PTGFRN: variants seen among roughly 807,000 people sequenced by gnomAD.
PTGFRN encodes the protein prostaglandin F2 receptor inhibitor.
PTGFRN carries 35 observed loss-of-function variants against 83.2 expected under a neutral mutation model. That is an observed-to-expected ratio of 0.42 (90% CI 0.32 to 0.56). The LOEUF (loss-of-function observed/expected upper bound fraction) is 0.56, where lower values mean the gene tolerates loss of function less well. PTGFRN is among the 20% of genes least tolerant of loss of function. The probability of loss-of-function intolerance (pLI) is 0.11; values close to 1 mark genes in which losing one functional copy is unlikely to be tolerated. For synonymous variants in PTGFRN, 519 were observed against 498.6 expected (o/e 1.04, Z -0.55); for missense variants, 1,051 against 1,179.5 (o/e 0.89, Z 1.60).
At chr1:116,978,801 G>A (rs993899934) in intron 7 of PTGFRN, among the ~76,000 whole-genome samples, 23 of 152,122 alleles carry the variant, frequency 1.5e-4, no homozygotes, top group Non-Finnish European at 2.8e-4. Flanking sequence ...CATTCCCTTT[G>A]AAAACTGGCA....
chr1:116,979,197 A>G (rs1651240758), intron 7 of PTGFRN, among the ~76,000 whole-genome samples: 3 of 152,204 alleles, frequency 2.0e-5, no homozygotes, highest in Admixed American at 2.0e-4. Flanking sequence ...AGAACTGCAA[A>G]CCACTGCTCA....
chr1:116,987,264 T>G lies in PTGFRN; in HGVS notation c.*297T>G. The G allele has an allele frequency of 3.2e-6, 1 of 316,338 alleles. No homozygotes were observed. The highest frequency in any genetic ancestry group is 6.0e-6 in the Non-Finnish European group (1 of 166,590). 19.6% of individuals were successfully genotyped at this position (316,338 alleles called of 1,614,324 possible). ...TTTTTTTCTCCCACTGGTTTATAGA[T>G]CCTCTGACTTGTGTGTGTTTATAGC... On this transcript the variant is annotated 3_prime_UTR_variant, in exon 9 of 9. Transcript: ENST00000393203.
chr1:116,940,720 A>C lies in PTGFRN; in HGVS notation c.50-995A>C, dbSNP rs566865905. Among the ~76,000 whole-genome samples the C allele has an allele frequency of 6.7e-4, 102 of 152,374 alleles. 1 individual carries two copies. The highest frequency in any genetic ancestry group is 3.4e-3 in the Middle Eastern group (1 of 294). On this transcript the variant is annotated intron_variant, in intron 1 of 8. Coordinates refer to ENST00000393203, the MANE Select transcript of PTGFRN (RefSeq NM_020440.4). Reference sequence around the variant, plus strand: ...ATTCATAGTGGCAGAAGTCAAAGGTAAGAGAGGTCTCTCAGATTGCAACTT... The same window carrying C: ...ATTCATAGTGGCAGAAGTCAAAGGTCAGAGAGGTCTCTCAGATTGCAACTT...
Position 116,958,290 on chromosome 1 carries a change from A to G in PTGFRN, c.1214-2953A>G, listed in dbSNP as rs1181548285. 1.3e-5 allele frequency among the ~76,000 whole-genome samples: 2 copies of G among 152,178 alleles called. No individual in the cohort carries two copies. The highest frequency in any genetic ancestry group is 2.9e-5 in the Non-Finnish European group (2 of 68,020). ...TGCAGGGAGCTGTCTTCTGGGTCAC[A>G]TTCCCTGTGGCAGTAACTTAGTGTC... On this transcript the variant is annotated intron_variant, in intron 4 of 8. Coordinates refer to ENST00000393203, the MANE Select transcript of PTGFRN (RefSeq NM_020440.4). The surrounding 1 kb of genome is among the most constrained non-coding windows in gnomAD (Gnocchi z 4.9).
intron 1 of PTGFRN, among the ~76,000 whole-genome samples, chr1:116,919,816 G>T (rs929872637): frequency 2.6e-5 from 4 of 152,258 alleles, no homozygotes; most frequent in Admixed American, 6.5e-5. Flanking sequence ...TAGCTAAATT[G>T]TGATAACATT....
intron 1 of PTGFRN, among the ~76,000 whole-genome samples, chr1:116,937,529 T>C (rs950681825): frequency 8.5e-5 from 13 of 152,176 alleles, no homozygotes; most frequent in African/African-American, 3.1e-4. Flanking sequence ...ATTAAAGACT[T>C]GATCAGTGAA....
Position 116,949,300 on chromosome 1 carries a change from C to A in PTGFRN, c.941C>A (p.Thr314Lys), listed in dbSNP as rs150849305. 3 of 1,614,148 alleles carry A rather than the reference C, an allele frequency of 1.9e-6. No homozygotes were observed. The African/African-American group carries it at 4.0e-5, about 22-fold the overall frequency. ...DRADDVRPEV[T>K]WSFSRMPDST... ...GCCGATGACGTCCGGCCCGAGGTGA[C>A]GTGGTCCTTCAGCAGGATGCCTGAC... The change falls in exon 4 of 9, where the codon ACG (threonine) becomes AAG (lysine). Residue 314 changes from threonine to lysine, a missense_variant. By Grantham distance (78) the Thr-to-Lys change is moderately conservative. Around this residue, in one of 3 missense-constraint regions of PTGFRN, gnomAD observed 719 missense variants for 836.6 expected, o/e 0.86. Transcript: ENST00000393203.
chr1:116,976,673 T>G (rs561515427), intron 7 of PTGFRN, among the ~76,000 whole-genome samples: 4 of 152,258 alleles, frequency 2.6e-5, no homozygotes, highest in Non-Finnish European at 4.4e-5. Context: ...AAGCAAATGC[T>G]GAGAGATTTT....
intron 6 of PTGFRN, among the ~76,000 whole-genome samples, chr1:116,968,011 AG>A (rs1650888196): frequency 6.6e-6 from 1 of 152,208 alleles, no homozygotes; most frequent in Admixed American, 6.5e-5. Flanking sequence ...GAAAGAGAGG[AG>A]GGAATTGAGC....
intron 1 of PTGFRN, among the ~76,000 whole-genome samples, chr1:116,937,798 A>G (rs559006582): frequency 2.0e-5 from 3 of 152,306 alleles, no homozygotes; most frequent in East Asian, 1.9e-4. Context: ...GTGAATGACT[A>G]TGATCAGGTT....
intron 5 of PTGFRN, among the ~76,000 whole-genome samples, chr1:116,966,120 A>T (rs571896269): frequency 6.6e-6 from 1 of 152,370 alleles, no homozygotes; most frequent in Admixed American, 6.5e-5. Flanking sequence ...TCATCCACTC[A>T]ACAAATATTT....
At chr1:116,977,797 TC>T (rs1367280682) in intron 7 of PTGFRN, among the ~76,000 whole-genome samples, 1 of 151,944 alleles carries the variant, frequency 6.6e-6, no homozygotes, top group Non-Finnish European at 1.5e-5. Flanking sequence ...CACCCTAACA[TC>T]ACAATTAAAA....
At position 116,961,472 on chromosome 1, in the gene PTGFRN, G is replaced by A. The variant is rs758963409; in HGVS notation, c.1443G>A (p.Gln481=). 8 of 1,614,096 alleles carry A rather than the reference G, an allele frequency of 5.0e-6. No homozygotes were observed. Among genetic ancestry groups the A allele is most frequent in the Non-Finnish European group, 2.5e-6 (3 of 1,180,046 alleles). The change falls in exon 5 of 9, where the codon CAG becomes CAA. Residue 481 remains glutamine (Q), a synonymous_variant. Coordinates refer to ENST00000393203, the MANE Select transcript of PTGFRN (RefSeq NM_020440.4). The surrounding 1 kb of genome is among the most constrained non-coding windows in gnomAD (Gnocchi z 5.4). ...TAAAATATGGAGAGAGGAGCAAGCA[G>A]CGGGCCCAGGATGGAGACTTTATTT... ...WTLKYGERSK[Q]RAQDGDFIFS...
chr1:116,952,035 G>A lies in PTGFRN; in HGVS notation c.1213+2463G>A, dbSNP rs1170872941. Among the ~76,000 whole-genome samples the A allele has an allele frequency of 6.6e-6, 1 of 152,156 alleles. No homozygotes were observed. Among genetic ancestry groups the A allele is most frequent in the African/African-American group, 2.4e-5 (1 of 41,440 alleles). ...TCACAGAAAAGTTTTCGAGAGAGTTGGTTTGCTACACAGGTAAAATGCAAA... is the reference window on the plus strand; with the variant it reads ...TCACAGAAAAGTTTTCGAGAGAGTTAGTTTGCTACACAGGTAAAATGCAAA... On this transcript the variant is annotated intron_variant, in intron 4 of 8. Coordinates refer to ENST00000393203, the MANE Select transcript of PTGFRN (RefSeq NM_020440.4). This position sits in a 1 kb window ranked among gnomAD's most constrained non-coding sequence, Gnocchi z 4.0.
intron 1 of PTGFRN, among the ~76,000 whole-genome samples, chr1:116,914,297 A>G (rs960962407): frequency 2.6e-5 from 4 of 152,206 alleles, no homozygotes; most frequent in Non-Finnish European, 5.9e-5. Flanking sequence ...GGCACACATC[A>G]TTTCTGCACA....
At position 116,974,263 on chromosome 1, in the gene PTGFRN, C is replaced by T. The variant is rs199657269; in HGVS notation, c.2107C>T (p.Arg703Trp). 24 of 1,613,438 alleles carry T rather than the reference C, an allele frequency of 1.5e-5. No homozygotes were observed. Among genetic ancestry groups the T allele is most frequent in the East Asian group, 4.5e-5 (2 of 44,882 alleles). The change falls in exon 7 of 9, where the codon CGG (arginine) becomes TGG (tryptophan). Residue 703 changes from arginine (R) to tryptophan (W), a missense_variant. This residue lies in a region of PTGFRN where 719 missense variants were observed against 836.6 expected (regional missense o/e 0.86). Transcript: ENST00000393203. ...GCATTCAGACACACCATCAGTAATTCGGGGAGATCTGATCAAATTGTTCTG... is the reference window on the plus strand; with the variant it reads ...GCATTCAGACACACCATCAGTAATTTGGGGAGATCTGATCAAATTGTTCTG... ...SVHSDTPSVIRGDLIKLFCII... is the reference protein window; with the variant it reads ...SVHSDTPSVIWGDLIKLFCII...
intron 6 of PTGFRN, among the ~76,000 whole-genome samples, chr1:116,968,861 A>C (rs12743460): frequency 0.17 from 25,944 of 152,060 alleles, 2,413 homozygotes; most frequent in Middle Eastern, 0.24. Flanking sequence ...AGGTCCATTC[A>C]TGTTGTAGCA....
At chr1:116,969,083 A>G (rs1485889752) in intron 6 of PTGFRN, among the ~76,000 whole-genome samples, 1 of 149,812 alleles carries the variant, frequency 6.7e-6, no homozygotes, top group East Asian at 1.9e-4. Context: ...CTCTTGAAAC[A>G]TCAAATTTTT....
At chr1:116,974,558 A>G (rs1651091240) in intron 7 of PTGFRN, 4 of 432,640 alleles carry the variant, frequency 9.2e-6, no homozygotes, top group Non-Finnish European at 1.6e-5. Context: ...AGCTGTCAAG[A>G]CAGTCAGTGG....
Sources: allele counts gnomAD v4.1 joint callset (sites outside exome capture counted in the v4.1 genomes callset), GRCh38; gene constraint gnomAD v4.1.1; regional missense constraint gnomAD v4.1.1; non-coding constraint Gnocchi (gnomAD v3.1); transcripts MANE v1.5; gene names NCBI Gene and HGNC (gene_info 2026-07-23, HGNC 2026-07-21).